ELP4: variants seen among roughly 807,000 people sequenced by gnomAD.
The protein encoded by ELP4 is elongator complex protein 4.
ELP4 carries 51 observed loss-of-function variants against 48.9 expected under a neutral mutation model. The ratio of observed to expected loss-of-function variants is 1.04; its 90% CI spans 0.83 to 1.32. ELP4 has a LOEUF of 1.32. Ranked by LOEUF, ELP4 falls within the 40% of genes most tolerant of loss-of-function variation. The pLI is 0.00. For synonymous variants in ELP4, 210 were observed against 189.2 expected (o/e 1.11, Z -0.90); for missense variants, 519 against 514.6 (o/e 1.01, Z -0.08).
intron 9 of ELP4, chr11:31,714,786 G>A (rs1946807507): frequency 2.5e-6 from 1 of 398,368 alleles, no homozygotes; most frequent in Non-Finnish European, 4.4e-6. Context: ...TTGGGTTTGA[G>A]TCCTTATGTT....
chr11:31,567,519 T>A (rs555359385), intron 3 of ELP4, among the ~76,000 whole-genome samples: 1 of 152,342 alleles, frequency 6.6e-6, no homozygotes, highest in South Asian at 2.1e-4. Context: ...GGCTGACAGT[T>A]ATGATATTCT....
At chr11:31,621,945 G>A (rs573484325) in intron 5 of ELP4, among the ~76,000 whole-genome samples, 5 of 151,812 alleles carry the variant, frequency 3.3e-5, no homozygotes, top group South Asian at 2.1e-4. Flanking sequence ...CTTAATTGTC[G>A]CACAGCCTTG....
intron 9 of ELP4, among the ~76,000 whole-genome samples, chr11:31,743,338 C>T (rs1342104231): frequency 2.0e-5 from 3 of 152,004 alleles, no homozygotes; most frequent in Non-Finnish European, 2.9e-5. Flanking sequence ...GACAGATCAG[C>T]GAGACAGAAA....
chr11:31,773,680 G>C (rs1179353157), intron 9 of ELP4, among the ~76,000 whole-genome samples: 1 of 152,186 alleles, frequency 6.6e-6, no homozygotes, highest in African/African-American at 2.4e-5. Flanking sequence ...AACTGTGCTT[G>C]CCAGTTGTGG....
intron 3 of ELP4, among the ~76,000 whole-genome samples, chr11:31,577,696 C>A (rs1192109318): frequency 6.6e-6 from 1 of 152,178 alleles, no homozygotes; most frequent in Non-Finnish European, 1.5e-5. Flanking sequence ...ACAAAAACCA[C>A]ACGATTATAT....
At chr11:31,757,348 C>G (rs187360035) in intron 9 of ELP4, among the ~76,000 whole-genome samples, 247 of 152,080 alleles carry the variant, frequency 1.6e-3, no homozygotes, top group Non-Finnish European at 3.0e-3. Flanking sequence ...ATTTTTACCT[C>G]ATTGAATTCT....
At chr11:31,623,031 A>G (rs1041123633) in intron 5 of ELP4, among the ~76,000 whole-genome samples, 2 of 126,006 alleles carry the variant, frequency 1.6e-5, no homozygotes, top group Non-Finnish European at 3.8e-5. Context: ...ATAGATCATT[A>G]TAATATAAAA....
intron 2 of ELP4, among the ~76,000 whole-genome samples, chr11:31,538,240 A>T (rs975217102): frequency 1.3e-5 from 2 of 149,284 alleles, no homozygotes; most frequent in African/African-American, 4.9e-5. Flanking sequence ...AAATCCAGTA[A>T]TATGATATAT....
intron 3 of ELP4, among the ~76,000 whole-genome samples, chr11:31,578,376 A>G (rs906548232): frequency 3.3e-5 from 5 of 152,226 alleles, no homozygotes; most frequent in Non-Finnish European, 7.3e-5. Context: ...AAGGTAATTT[A>G]TAGATTCAGT....
intron 3 of ELP4, among the ~76,000 whole-genome samples, chr11:31,592,950 A>T (rs1156237440): frequency 2.0e-5 from 3 of 152,124 alleles, no homozygotes; most frequent in Admixed American, 2.0e-4. Context: ...GATATAAGTT[A>T]TTTTTCAAAT....
At chr11:31,746,231 G>A (rs1947587080) in intron 9 of ELP4, among the ~76,000 whole-genome samples, 1 of 150,930 alleles carries the variant, frequency 6.6e-6, no homozygotes, top group Non-Finnish European at 1.5e-5. Context: ...TAAAAAGTCA[G>A]GAAATAACAG....
At chr11:31,566,322 C>T (rs1957110756) in intron 3 of ELP4, among the ~76,000 whole-genome samples, 2 of 151,872 alleles carry the variant, frequency 1.3e-5, no homozygotes, top group African/African-American at 4.8e-5. Context: ...TGCGCCACTG[C>T]ACTCTATCCT....
At chr11:31,625,622 A>AT (rs1389179540) in intron 5 of ELP4, among the ~76,000 whole-genome samples, 3 of 151,870 alleles carry the variant, frequency 2.0e-5, no homozygotes, top group Non-Finnish European at 4.4e-5. Flanking sequence ...TAGAATTATT[A>AT]TTAGTGGATT....
At chr11:31,604,076 A>G (rs914647045) in intron 5 of ELP4, among the ~76,000 whole-genome samples, 169 bp downstream of exon 5, 2 of 151,726 alleles carry the variant, frequency 1.3e-5, no homozygotes, top group African/African-American at 4.8e-5. Flanking sequence ...ATAGTATTTC[A>G]TTATCTGTGG....
intron 3 of ELP4, among the ~76,000 whole-genome samples, chr11:31,559,076 A>G (rs1371640485): frequency 1.3e-5 from 2 of 152,162 alleles, no homozygotes; most frequent in Admixed American, 1.3e-4. Context: ...TAAATGCAAC[A>G]TTAAAGGATG....
At chr11:31,676,566 G>C (rs971402668) in intron 9 of ELP4, among the ~76,000 whole-genome samples, 1 of 152,144 alleles carries the variant, frequency 6.6e-6, no homozygotes, top group Non-Finnish European at 1.5e-5. Flanking sequence ...TTTCTCTCAA[G>C]TTGTTTCCTG....
intron 5 of ELP4, among the ~76,000 whole-genome samples, chr11:31,609,656 C>A (rs964275781): frequency 6.6e-6 from 1 of 151,940 alleles, no homozygotes; most frequent in Non-Finnish European, 1.5e-5. Flanking sequence ...CAAGGGGGCT[C>A]CTTGGGAGAT....
At chr11:31,642,601 A>T (rs951066067) in intron 7 of ELP4, among the ~76,000 whole-genome samples, 3 of 151,906 alleles carry the variant, frequency 2.0e-5, no homozygotes, top group Non-Finnish European at 4.4e-5. Flanking sequence ...TGCTAGGCAG[A>T]TAATGTTACA....
chr11:31,567,894 A>G lies in ELP4; in HGVS notation c.382-26876A>G, dbSNP rs558114152. 3.3e-5 allele frequency among the ~76,000 whole-genome samples: 5 copies of G among 152,308 alleles called. No individual in the cohort carries two copies. In the South Asian group the frequency reaches 1.0e-3, roughly 32 times the overall value. ...GGTATAGAGTCTTGCCTTGATGTTG[A>G]TGGCTGCTGACTTACAGGTTGGGGT... On this transcript the variant is annotated intron_variant, in intron 3 of 9. Transcript: ENST00000640961.
Sources: allele counts gnomAD v4.1 joint callset (sites outside exome capture counted in the v4.1 genomes callset), GRCh38; gene constraint gnomAD v4.1.1; transcripts MANE v1.5; gene names NCBI Gene and HGNC (gene_info 2026-07-23, HGNC 2026-07-21).